Variants in PCDHGB4 observed in about 807,000 individuals in gnomAD.
PCDHGB4 encodes protocadherin gamma subfamily B, 4, also known as protocadherin gamma-B4.
In PCDHGB4, 38 loss-of-function variants were observed where a neutral mutation model predicts 60.5. The observed-to-expected ratio is 0.63, with a 90% confidence interval of 0.48 to 0.82. The LOEUF (loss-of-function observed/expected upper bound fraction) is 0.82, where lower values mean the gene tolerates loss of function less well. PCDHGB4 is among the 40% of genes least tolerant of loss of function. The pLI is 0.00. For synonymous variants in PCDHGB4, 456 were observed against 509.7 expected (o/e 0.89, Z 1.42); for missense variants, 1,109 against 1,209.6 (o/e 0.92, Z 1.23).
Position 141,491,349 on chromosome 5 carries a change from C to G in PCDHGB4, c.2398-3458C>G. 6.2e-7 allele frequency: 1 copy of G among 1,614,168 alleles called. No individual in the cohort carries two copies. Among genetic ancestry groups the G allele is most frequent in the Non-Finnish European group, 8.5e-7 (1 of 1,180,016 alleles). ...TTGTGGCTCTAGCGACCGTCAGTCT[C>G]TTATCCCTAGTCACCTTCACCTTTC... is the stretch of plus-strand genomic sequence containing the variant. On this transcript the variant is annotated intron_variant, in intron 1 of 3. Transcript: ENST00000519479. The surrounding 1 kb of genome is among the most constrained non-coding windows in gnomAD (Gnocchi z 6.9).
In PCDHGB4 at chr5:141,485,053, G is replaced by A. The variant is rs555996081; in HGVS notation, c.2398-9754G>A. On this transcript the variant is annotated intron_variant, in intron 1 of 3. Coordinates refer to ENST00000519479, the MANE Select transcript of PCDHGB4 (RefSeq NM_003736.4). The surrounding 1 kb of genome is among the most constrained non-coding windows in gnomAD (Gnocchi z 5.7). ...GCGCGTAACCCTTGCGGCGCCGGCC[G>A]AACCGCGCCAGAGCTGGCGCGGGGA... 6.9e-5 allele frequency: 57 copies of A among 820,742 alleles called. 2 individuals carry two copies. In the South Asian group the frequency reaches 9.3e-4, roughly 13 times the overall value. 50.8% of individuals were successfully genotyped at this position (820,742 alleles called of 1,614,324 possible).
At chr5:141,403,136 C>G in intron 1 of PCDHGB4, 1 of 1,614,006 alleles carries the variant, frequency 6.2e-7, no homozygotes. Flanking sequence ...GCTGGCGGAG[C>G]GCCGAGTCCG....
In PCDHGB4 at chr5:141,413,895, T is replaced by C. The variant is rs749075692; in HGVS notation, c.2397+23614T>C. On this transcript the variant is annotated intron_variant, in intron 1 of 3. Transcript: ENST00000519479. ...TCAGTGTGACTGTCTTCGATGCAAATGACAACGCGCCGGTCTTCACCTTGC... is the reference window on the plus strand; with the variant it reads ...TCAGTGTGACTGTCTTCGATGCAAACGACAACGCGCCGGTCTTCACCTTGC... 7 of 1,613,190 alleles carry C rather than the reference T, an allele frequency of 4.3e-6. No individual in the cohort carries two copies. The South Asian group carries it at 6.6e-5, about 15-fold the overall frequency.
rs372466798 is a variant in PCDHGB4 at position 141,413,407 on chromosome 5, C to T, written c.2397+23126C>T. On this transcript the variant is annotated intron_variant, in intron 1 of 3. Transcript: ENST00000519479. ...CATAGTCTCCAGAGGTAGGACGCAG[C>T]TTTTCTCTCTGAACCCGCGCAGCGG... The T allele has an allele frequency of 6.2e-7, 1 of 1,614,044 alleles. No individual in the cohort carries two copies. The highest frequency in any genetic ancestry group is 8.5e-7 in the Non-Finnish European group (1 of 1,179,938).
rs1688094877 is a variant in PCDHGB4 at position 141,432,625 on chromosome 5, C to T, written c.2397+42344C>T. 1.2e-6 allele frequency: 2 copies of T among 1,613,240 alleles called. No individual in the cohort carries two copies. The highest frequency in any genetic ancestry group is 1.7e-6 in the Non-Finnish European group (2 of 1,179,778). ...CGGGACTCTTCTCGGTGGGTCTGCA[C>T]ACGGGCGAGGTGCGCACGGCGCGAG... On this transcript the variant is annotated intron_variant, in intron 1 of 3. Coordinates refer to ENST00000519479, the MANE Select transcript of PCDHGB4 (RefSeq NM_003736.4). The surrounding 1 kb of genome is among the most constrained non-coding windows in gnomAD (Gnocchi z 6.0).
intron 1 of PCDHGB4, chr5:141,426,294 CAG>C (rs555591649): frequency 1.2e-4 from 20 of 167,070 alleles, no homozygotes; most frequent in African/African-American, 4.5e-4. Context: ...GGATGGGAAA[CAG>C]GGTGAAGCAG....
Position 141,477,952 on chromosome 5 carries a change from A to C in PCDHGB4, c.2398-16855A>C, listed in dbSNP as rs907708638. The C allele has an allele frequency of 1.2e-6, 2 of 1,614,038 alleles. No individual in the cohort carries two copies. Among genetic ancestry groups the C allele is most frequent in the Non-Finnish European group, 1.7e-6 (2 of 1,180,002 alleles). Reference sequence around the variant, plus strand: ...CCTGGCTCTCCTACAGTCTCTTGGGATCCCCTAACCAGAGCCTTTTTGCCA... The same window carrying C: ...CCTGGCTCTCCTACAGTCTCTTGGGCTCCCCTAACCAGAGCCTTTTTGCCA... On this transcript the variant is annotated intron_variant, in intron 1 of 3. Coordinates refer to ENST00000519479, the MANE Select transcript of PCDHGB4 (RefSeq NM_003736.4). This position sits in a 1 kb window ranked among gnomAD's most constrained non-coding sequence, Gnocchi z 4.9.
intron 1 of PCDHGB4, chr5:141,404,213 A>G: frequency 6.2e-7 from 1 of 1,613,516 alleles, no homozygotes; most frequent in Non-Finnish European, 8.5e-7. Context: ...ATATAATATC[A>G]CGGTGACTGC....
chr5:141,454,908 C>T (rs1370482009), intron 1 of PCDHGB4, among the ~76,000 whole-genome samples: 3 of 145,392 alleles, frequency 2.1e-5, no homozygotes, highest in Non-Finnish European at 4.5e-5. Context: ...CCCGGGTTCA[C>T]GCCATTCTCC....
chr5:141,404,550 C>A (rs372202008), intron 1 of PCDHGB4: 3 of 1,613,768 alleles, frequency 1.9e-6, no homozygotes, highest in Admixed American at 1.7e-5. Flanking sequence ...ATGCAGGTGA[C>A]GGCAAGTGAC....
intron 1 of PCDHGB4, chr5:141,478,773 T>C (rs975950601): frequency 1.3e-6 from 2 of 1,496,766 alleles, no homozygotes; most frequent in African/African-American, 2.8e-5. Context: ...GACTCATCTG[T>C]GGACCTAATT....
In PCDHGB4 at chr5:141,472,980, C is replaced by CAAAA. The variant is rs60579131; in HGVS notation, c.2398-21813_2398-21810dup. ...CAGCCTGGGGAACAAGAGTGAAACT[C>CAAAA]AAAAAAAAAAAAAAAAAGAAAGAAA... On this transcript the variant is annotated intron_variant, in intron 1 of 3. Transcript: ENST00000519479. 5.5e-3 allele frequency among the ~76,000 whole-genome samples: 472 copies of CAAAA among 85,978 alleles called. 4 individuals carry two copies. The highest frequency in any genetic ancestry group is 0.013 in the Admixed American group (104 of 8,158). The allele number at this position is 85,978 out of a possible 152,430, so 56.4% of individuals were successfully genotyped here. A position where few individuals can be genotyped will look rare whatever the true frequency, so the allele number is the denominator to read the frequency against.
intron 1 of PCDHGB4, chr5:141,403,572 C>T (rs749341214): frequency 1.9e-6 from 3 of 1,613,946 alleles, no homozygotes; most frequent in Non-Finnish European, 8.5e-7. Flanking sequence ...GAGGCAACTG[C>T]CCACCACCTG....
chr5:141,510,709 CAGTGAGTAAGGAA>C (rs1452833908), intron 3 of PCDHGB4, among the ~76,000 whole-genome samples: 7 of 152,168 alleles, frequency 4.6e-5, no homozygotes, highest in Admixed American at 4.6e-4. Flanking sequence ...CCCAGGATCA[CAGTGAGTAAGGAA>C]AGGAGCTAGG....
At chr5:141,428,407 T>C in intron 1 of PCDHGB4, 1 of 470,350 alleles carries the variant, frequency 2.1e-6, no homozygotes, top group South Asian at 2.0e-5. Context: ...CTGGGGTTGC[T>C]TTCACCCTGG....
intron 1 of PCDHGB4, chr5:141,423,661 G>A: frequency 1.3e-6 from 2 of 1,555,760 alleles, no homozygotes; most frequent in Non-Finnish European, 1.7e-6. Flanking sequence ...AAGTAATCAG[G>A]TGAGATTTAT....
intron 1 of PCDHGB4, chr5:141,422,992 G>A: frequency 6.2e-7 from 1 of 1,614,238 alleles, no homozygotes; most frequent in Non-Finnish European, 8.5e-7. Flanking sequence ...TGGCTACCTG[G>A]TGACCAAGGT....
chr5:141,413,639 GT>G, intron 1 of PCDHGB4: 1 of 1,613,854 alleles, frequency 6.2e-7, no homozygotes, highest in South Asian at 1.1e-5. Context: ...GCGGGAATGC[GT>G]TTTCCTCTCC....
intron 1 of PCDHGB4, among the ~76,000 whole-genome samples, chr5:141,482,723 A>G (rs1441054551): frequency 2.3e-5 from 3 of 128,892 alleles, no homozygotes; most frequent in Non-Finnish European, 4.9e-5. Context: ...GGGAGGGGCC[A>G]TTGCAAGAAA....
Sources: allele counts gnomAD v4.1 joint callset (sites outside exome capture counted in the v4.1 genomes callset), GRCh38; gene constraint gnomAD v4.1.1; non-coding constraint Gnocchi (gnomAD v3.1); transcripts MANE v1.5; gene names NCBI Gene and HGNC (gene_info 2026-07-23, HGNC 2026-07-21).